RBFOX3: variants seen among roughly 807,000 people sequenced by gnomAD.
RBFOX3 encodes the protein RNA binding fox-1 homolog 3.
Under a neutral mutation model 48.7 loss-of-function variants are expected in RBFOX3, and 17 were observed. That is an observed-to-expected ratio of 0.35 (90% confidence interval 0.24 to 0.52). RBFOX3 has a LOEUF of 0.52. Among genes scored for constraint, RBFOX3 ranks in the 20% least tolerant of loss-of-function variants. The pLI is 0.94. For missense variants in RBFOX3, 382 were observed against 497.5 expected (o/e 0.77, Z 2.21); for synonymous variants, 212 against 209.5 (o/e 1.01, Z -0.10).
chr17:79,265,766 G>T (rs1391725655), intron 3 of RBFOX3, among the ~76,000 whole-genome samples: 1 of 152,194 alleles, frequency 6.6e-6, no homozygotes, highest in African/African-American at 2.4e-5. Context: ...CTGGGATTTT[G>T]CAGGTAAGCT....
intron 3 of RBFOX3, among the ~76,000 whole-genome samples, chr17:79,244,247 AT>A (rs2062810158): frequency 6.6e-6 from 1 of 152,118 alleles, no homozygotes; most frequent in African/African-American, 2.4e-5. Context: ...GTGTGTGAGG[AT>A]GGAGGCGGAG....
At chr17:79,506,035 A>G (rs2083065015) in intron 1 of RBFOX3, among the ~76,000 whole-genome samples, 1 of 152,198 alleles carries the variant, frequency 6.6e-6, no homozygotes, top group Non-Finnish European at 1.5e-5. Flanking sequence ...TGCACCAAAC[A>G]CATAGATGCT....
At chr17:79,610,161 G>A (rs1009139107) in intron 1 of RBFOX3, among the ~76,000 whole-genome samples, 1 of 152,088 alleles carries the variant, frequency 6.6e-6, no homozygotes, top group East Asian at 2.0e-4. Flanking sequence ...GGTGCTGCGG[G>A]CCCCGCTCCT....
At chr17:79,304,959 G>A (rs949115937) in intron 3 of RBFOX3, among the ~76,000 whole-genome samples, 8 of 152,196 alleles carry the variant, frequency 5.3e-5, no homozygotes, top group South Asian at 4.1e-4. Context: ...CTCCCACCGC[G>A]TCTCACACTG....
chr17:79,519,526 CCCT>C (rs1411574256), intron 1 of RBFOX3, among the ~76,000 whole-genome samples: 5 of 152,192 alleles, frequency 3.3e-5, no homozygotes, highest in Non-Finnish European at 7.4e-5. Flanking sequence ...CCCACCCATC[CCCT>C]CCCCTTTACC....
intron 4 of RBFOX3, among the ~76,000 whole-genome samples, chr17:79,187,185 C>T (rs528447901): frequency 1.2e-4 from 19 of 152,330 alleles, no homozygotes; most frequent in African/African-American, 4.6e-4. Context: ...TCTTTTGACC[C>T]CTACCCATGT....
rs60453390 is a variant in RBFOX3, at chr17:79,093,791, CCACACACACA to C, written c.1077+650_1077+659del. On this transcript the variant is annotated intron_variant, in intron 14 of 14. Transcript: ENST00000693108. ...CTGGGCTGCACGTGTCAACAGCTGG[CCACACACACA>C]CACACACACACACACACACACACAC... is the stretch of plus-strand genomic sequence containing the variant. Among the ~76,000 whole-genome samples, 181 of 143,934 alleles carry C rather than the reference CCACACACACA, an allele frequency of 1.3e-3. 1 individual carries two copies. The highest frequency in any genetic ancestry group is 3.5e-3 in the Middle Eastern group (1 of 282). 94.4% of individuals were successfully genotyped at this position (143,934 alleles called of 152,430 possible). A position where few individuals can be genotyped will look rare whatever the true frequency, so the allele number is the denominator to read the frequency against.
intron 4 of RBFOX3, among the ~76,000 whole-genome samples, chr17:79,180,495 C>T (rs1412173924): frequency 6.6e-6 from 1 of 152,232 alleles, no homozygotes; most frequent in Non-Finnish European, 1.5e-5. Context: ...CGCAGAGGAC[C>T]TGCAGCCCCC....
At chr17:79,211,023 C>T (rs1226545344) in intron 4 of RBFOX3, among the ~76,000 whole-genome samples, 7 of 148,558 alleles carry the variant, frequency 4.7e-5, no homozygotes, top group Non-Finnish European at 7.4e-5. Flanking sequence ...AGGTGGGGTG[C>T]GTGACTCACA....
chr17:79,157,191 T>G (rs928520097), intron 4 of RBFOX3, among the ~76,000 whole-genome samples: 2 of 152,112 alleles, frequency 1.3e-5, no homozygotes, highest in Admixed American at 6.5e-5. Context: ...CTGCTCTTAC[T>G]CCCCGTCTCC....
At chr17:79,260,709 G>A (rs950386301) in intron 3 of RBFOX3, among the ~76,000 whole-genome samples, 1 of 152,136 alleles carries the variant, frequency 6.6e-6, no homozygotes, top group Non-Finnish European at 1.5e-5. Flanking sequence ...GGGCCTGATG[G>A]GAATCCGACG....
intron 3 of RBFOX3, among the ~76,000 whole-genome samples, chr17:79,295,674 T>C (rs1186698441): frequency 6.6e-6 from 1 of 152,164 alleles, no homozygotes; most frequent in Non-Finnish European, 1.5e-5. Context: ...ACACTTGGTT[T>C]CCTGTCCTGC....
chr17:79,528,690 G>A (rs902012117), intron 1 of RBFOX3, among the ~76,000 whole-genome samples: 1 of 151,992 alleles, frequency 6.6e-6, no homozygotes, highest in African/African-American at 2.4e-5. Flanking sequence ...GGGGAAGGCC[G>A]TGTGAAGATG....
intron 1 of RBFOX3, among the ~76,000 whole-genome samples, chr17:79,521,726 GGC>G (rs1491117387): frequency 6.6e-6 from 1 of 151,512 alleles, no homozygotes; most frequent in Non-Finnish European, 1.5e-5. Flanking sequence ...CATTCACACA[GGC>G]ACACACACAC....
intron 2 of RBFOX3, among the ~76,000 whole-genome samples, chr17:79,325,736 C>T (rs1175183866): frequency 1.3e-5 from 2 of 152,180 alleles, no homozygotes; most frequent in Admixed American, 6.5e-5. Context: ...CCGTTGCCTC[C>T]CTGCTTTGAG....
At chr17:79,612,484 C>A (rs1296073587), upstream of RBFOX3, among the ~76,000 whole-genome samples, 4 of 152,134 alleles carry the variant, frequency 2.6e-5, no homozygotes, top group Non-Finnish European at 5.9e-5. Flanking sequence ...GCCCCCCCTG[C>A]AGGGCAGCAG....
intron 1 of RBFOX3, among the ~76,000 whole-genome samples, chr17:79,524,472 G>T (rs2086536405): frequency 6.6e-6 from 1 of 152,196 alleles, no homozygotes; most frequent in Admixed American, 6.5e-5. Context: ...CTCACGGCGG[G>T]CATTTAGGCT....
chr17:79,110,443 G>A (rs939974518), intron 5 of RBFOX3, among the ~76,000 whole-genome samples: 1 of 152,214 alleles, frequency 6.6e-6, no homozygotes, highest in Non-Finnish European at 1.5e-5. Context: ...GTAGACCTAG[G>A]CAGACCCTGG....
chr17:79,396,230 A>G (rs1311802846), intron 2 of RBFOX3, among the ~76,000 whole-genome samples: 1 of 152,124 alleles, frequency 6.6e-6, no homozygotes, highest in African/African-American at 2.4e-5. Flanking sequence ...ACCCTTTTGG[A>G]TCAAATTTGG....
Sources: gnomAD v4.1 joint callset for allele counts (sites outside exome capture counted in the v4.1 genomes callset) on GRCh38, gnomAD v4.1.1 for gene constraint, MANE v1.5 for transcripts, NCBI Gene and HGNC (gene_info 2026-07-23, HGNC 2026-07-21) for gene names.